NTRK1: variants seen among roughly 807,000 people sequenced by gnomAD.
NTRK1 encodes the protein neurotrophic receptor tyrosine kinase 1.
Under a neutral mutation model 86.8 loss-of-function variants are expected in NTRK1, and 62 were observed. The observed-to-expected ratio is 0.71, with a 90% confidence interval of 0.58 to 0.88. NTRK1 has a LOEUF of 0.88. Among genes scored for constraint, NTRK1 ranks in the 40% least tolerant of loss-of-function variants. NTRK1 has a pLI of 0.00. For missense variants in NTRK1, 967 were observed against 1,078.4 expected (o/e 0.90, Z 1.45); for synonymous variants, 469 against 456.6 (o/e 1.03, Z -0.35).
At chr1:156,871,495 T>C in intron 6 of NTRK1, 128 bp from the exon 7 acceptor site, 1 of 953,146 alleles carries the variant, frequency 1.0e-6, no homozygotes, top group South Asian at 1.6e-5. Context: ...CACCCCTCTC[T>C]CCCTTCTCTT....
Position 156,873,844 on chromosome 1 carries a change from C to T in NTRK1, c.1062C>T (p.Val354=), listed in dbSNP as rs1305998246. ...GCLRLNQPTH[V]NNGNYTLLAA... ...TGCGCCTCAACCAGCCCACCCACGT[C>T]AACAACGGCAACTACACGCTGCTGG... Residue 354 remains valine (V), a synonymous_variant, in exon 8 of 17, where the codon GTC becomes GTT. Transcript: ENST00000524377. 1 of 1,609,972 alleles carries T rather than the reference C, an allele frequency of 6.2e-7. No homozygotes were observed. Among genetic ancestry groups the T allele is most frequent in the South Asian group, 1.1e-5 (1 of 90,230 alleles).
At chr1:156,849,612 G>A in intron 2 of NTRK1, 1 of 628,988 alleles carries the variant, frequency 1.6e-6, no homozygotes. Flanking sequence ...GGGGGCATTC[G>A]TGCATACCCA....
chr1:156,838,186 T>C (rs1053529836), intron 1 of NTRK1, among the ~76,000 whole-genome samples: 3 of 151,774 alleles, frequency 2.0e-5, no homozygotes, highest in South Asian at 2.1e-4. Context: ...TCCAACCTGT[T>C]CTCCCAGCCC....
At chr1:156,841,248 G>T in intron 1 of NTRK1, 2 of 980,104 alleles carry the variant, frequency 2.0e-6, no homozygotes, top group South Asian at 1.5e-5. Flanking sequence ...TGGGAGTCTT[G>T]GGGGTTTGGG....
At position 156,868,251 on chromosome 1, in the gene NTRK1, T is replaced by C. The variant is rs1231568960; in HGVS notation, c.574+2T>C. The C allele has an allele frequency of 1.2e-6, 2 of 1,608,420 alleles. No homozygotes were observed. ...CCCACATGCCCAATGCCAGCTGTGGTAGGTGCCGGGTGAGGGAGGTGGTGT... is the reference window on the plus strand; with the variant it reads ...CCCACATGCCCAATGCCAGCTGTGGCAGGTGCCGGGTGAGGGAGGTGGTGT... On this transcript the variant is annotated splice_donor_variant, in intron 5 of 16. Transcript: ENST00000524377. LOFTEE classifies it high-confidence loss of function.
chr1:156,819,827 T>G (rs2102831880), intron 1 of NTRK1, among the ~76,000 whole-genome samples: 1 of 152,314 alleles, frequency 6.6e-6, no homozygotes. Flanking sequence ...CCTATTTGTT[T>G]TTTTCTTCCT....
intron 14 of NTRK1, among the ~76,000 whole-genome samples, chr1:156,877,167 C>T (rs1647970791): frequency 6.6e-6 from 1 of 152,170 alleles, no homozygotes; most frequent in Non-Finnish European, 1.5e-5. Flanking sequence ...ACTACAGGTG[C>T]ACACCATTGC....
intron 1 of NTRK1, chr1:156,840,780 T>G (rs2102851191): frequency 1.0e-6 from 1 of 968,482 alleles, no homozygotes; most frequent in Non-Finnish European, 1.6e-6. Flanking sequence ...TGCCCTGAGT[T>G]GGGGTGGGGG....
intron 1 of NTRK1, chr1:156,840,840 C>G (rs373981367): frequency 6.5e-7 from 1 of 1,548,428 alleles, no homozygotes; most frequent in Admixed American, 1.7e-5. Context: ...TCCTGTCTCC[C>G]CATGGGAGGC....
At chr1:156,867,359 C>G (rs1655986591) in intron 4 of NTRK1, among the ~76,000 whole-genome samples, 1 of 152,246 alleles carries the variant, frequency 6.6e-6, no homozygotes, top group Non-Finnish European at 1.5e-5. Flanking sequence ...GGGGCTGTGC[C>G]CTTCCCTCCT....
chr1:156,874,326 CCTCT>C (rs1647760764), intron 8 of NTRK1, 53 bp from the exon 9 acceptor site: 1 of 1,611,076 alleles, frequency 6.2e-7, no homozygotes, highest in South Asian at 1.1e-5. Context: ...TTTCCTCCTC[CCTCT>C]GACTGCTTTC....
intron 1 of NTRK1, 67 bp downstream of exon 1, chr1:156,861,213 G>T: frequency 6.7e-7 from 1 of 1,502,202 alleles, no homozygotes; most frequent in Non-Finnish European, 8.9e-7. Flanking sequence ...CGAGGGCGCG[G>T]ACTCGCTGCT....
intron 1 of NTRK1, chr1:156,840,945 G>A (rs377063631): frequency 2.5e-6 from 4 of 1,613,990 alleles, no homozygotes; most frequent in Admixed American, 1.7e-5. Context: ...CTGCATCGGT[G>A]GTAGGCAGGG....
At chr1:156,860,822 C>T (rs974930869), upstream of NTRK1, 14 of 1,342,012 alleles carry the variant, frequency 1.0e-5, no homozygotes, top group Non-Finnish European at 1.3e-5. Context: ...TCCGCCCTTT[C>T]CTGGCGGCTG....
In NTRK1 at chr1:156,843,456, A is replaced by G; in HGVS notation, c.50+1263A>G. The G allele has an allele frequency of 1.9e-6, 3 of 1,614,158 alleles. No homozygotes were observed. The highest frequency in any genetic ancestry group is 2.5e-6 in the Non-Finnish European group (3 of 1,180,020). Reference sequence around the variant, plus strand: ...AGAGGCGCTGAAGTACTCTGGATTCACAGAAGCATACAGGGTTCTGTTTCT... The same window carrying G: ...AGAGGCGCTGAAGTACTCTGGATTCGCAGAAGCATACAGGGTTCTGTTTCT... On this transcript the variant is annotated intron_variant, in intron 2 of 16. Coordinates refer to the NTRK1 transcript ENST00000392302.
rs534513451 is a variant in NTRK1, at chr1:156,819,605, C to T, written c.-64+3767C>T. On this transcript the variant is annotated intron_variant, in intron 1 of 16. Transcript: ENST00000392302. ...GCATAATCTCGGCTCACTGCACCTCCGCCTCTCAGGTTCAACAGATTCTCC... is the reference window on the plus strand; with the variant it reads ...GCATAATCTCGGCTCACTGCACCTCTGCCTCTCAGGTTCAACAGATTCTCC... Among the ~76,000 whole-genome samples the T allele has an allele frequency of 5.3e-5, 8 of 152,092 alleles. No homozygotes were observed. The East Asian group carries it at 9.7e-4, about 18-fold the overall frequency.
At chr1:156,876,922 A>G (rs937518633) in intron 14 of NTRK1, among the ~76,000 whole-genome samples, 3 of 152,266 alleles carry the variant, frequency 2.0e-5, no homozygotes, top group Non-Finnish European at 2.9e-5. Context: ...GACAGTAACA[A>G]CGACAGTAAT....
At chr1:156,862,857 G>C (rs143988849) in intron 1 of NTRK1, among the ~76,000 whole-genome samples, 4 of 152,224 alleles carry the variant, frequency 2.6e-5, no homozygotes, top group Non-Finnish European at 5.9e-5. Context: ...CTCGGAGTCA[G>C]TGGAGGTTAC....
chr1:156,826,444 G>A (rs996917272), intron 1 of NTRK1, among the ~76,000 whole-genome samples: 3 of 151,830 alleles, frequency 2.0e-5, no homozygotes, highest in Non-Finnish European at 2.9e-5. Context: ...GGGACTACAG[G>A]TGTCCACCAC....
Sources: gnomAD v4.1 joint callset for allele counts (sites outside exome capture counted in the v4.1 genomes callset) on GRCh38, gnomAD v4.1.1 for gene constraint, MANE v1.5 for transcripts, NCBI Gene and HGNC (gene_info 2026-07-23, HGNC 2026-07-21) for gene names.